ADGRV1: variants seen among roughly 807,000 people sequenced by gnomAD.
ADGRV1 encodes the protein adhesion G protein-coupled receptor V1.
ADGRV1 carries 359 observed loss-of-function variants against 596.2 expected under a neutral mutation model. That is an observed-to-expected ratio of 0.60 (90% CI 0.55 to 0.66). ADGRV1 has a LOEUF of 0.66. ADGRV1 is among the 30% of genes least tolerant of loss of function. The probability of loss-of-function intolerance (pLI) is 0.00; values close to 1 mark genes in which losing one functional copy is unlikely to be tolerated. For synonymous variants in ADGRV1, 2,681 were observed against 2,679.2 expected (o/e 1.00, Z -0.02); for missense variants, 7,274 against 7,575.6 (o/e 0.96, Z 1.48).
At chr5:91,075,698 T>C (rs1788794059) in intron 86 of ADGRV1, among the ~76,000 whole-genome samples, 1 of 152,188 alleles carries the variant, frequency 6.6e-6, no homozygotes. Flanking sequence ...TATCTCTGGT[T>C]CTACTCTTTT....
chr5:90,775,995 T>C (rs562926482), intron 60 of ADGRV1, among the ~76,000 whole-genome samples: 1 of 152,200 alleles, frequency 6.6e-6, no homozygotes, highest in Non-Finnish European at 1.5e-5. Context: ...AATAGAAATA[T>C]TTGACACAGG....
chr5:90,756,525 C>A lies in ADGRV1; in HGVS notation c.11652C>A (p.Phe3884Leu). 1.2e-6 allele frequency: 2 copies of A among 1,612,276 alleles called. No individual in the cohort carries two copies. The highest frequency in any genetic ancestry group is 2.2e-5 in the South Asian group (2 of 90,882). Residue 3884 changes from phenylalanine to leucine, a missense_variant, in exon 56 of 90, where the codon TTC (phenylalanine) becomes TTA (leucine). Coordinates refer to ENST00000405460, the MANE Select transcript of ADGRV1 (RefSeq NM_032119.4). Reference protein sequence around the residue: ...ITEVNLVNSDFSTGQPSVRRP... With the variant: ...ITEVNLVNSDLSTGQPSVRRP... The stretch of plus-strand genomic sequence containing the variant: ...AGGTGAACCTGGTGAACTCTGACTT[C>A]TCTACAGGACAGCCAAGTGTGCGGA...
chr5:91,005,885 CA>C (rs1298756117), intron 85 of ADGRV1, among the ~76,000 whole-genome samples: 4 of 152,102 alleles, frequency 2.6e-5, no homozygotes, highest in African/African-American at 9.7e-5. Context: ...TAGTTCATTC[CA>C]AAACACAGAT....
At chr5:90,777,325 C>T (rs1332399337) in intron 61 of ADGRV1, among the ~76,000 whole-genome samples, 2 of 152,196 alleles carry the variant, frequency 1.3e-5, no homozygotes, top group Non-Finnish European at 2.9e-5. Flanking sequence ...CACTTGAGGT[C>T]ACACTTCAAC....
chr5:90,645,940 G>A (rs770622625), intron 15 of ADGRV1, 28 bp from the exon 16 acceptor site: 3 of 1,556,620 alleles, frequency 1.9e-6, no homozygotes, highest in South Asian at 2.5e-5. Context: ...TAAGTCACCT[G>A]ACTTAAAACG....
rs757335564 is a variant in ADGRV1 at position 90,810,513 on chromosome 5, G to A, written c.15253G>A (p.Glu5085Lys). ...EITIINDQLS[E>K]IEEFFYINLT... ...AACCATTATTAATGATCAGCTTTCT[G>A]AGATAGAAGAATTTTTTTACATTAA... The change falls in exon 74 of 90, where the codon GAG becomes AAG. Residue 5085 changes from glutamate (E) to lysine (K), a missense_variant. Transcript: ENST00000405460. 1 of 1,613,844 alleles carries A rather than the reference G, an allele frequency of 6.2e-7. No homozygotes were observed. The highest frequency in any genetic ancestry group is 1.1e-5 in the South Asian group (1 of 91,074).
chr5:90,690,035 T>G lies in ADGRV1; in HGVS notation c.6665T>G (p.Val2222Gly). Residue 2222 changes from valine to glycine, a missense_variant, in exon 30 of 90, where the codon GTC becomes GGC. Val to Gly is a moderately radical substitution (Grantham distance 109). Transcript: ENST00000405460. Reference sequence around the variant, plus strand: ...AGACTAGGGGCTTTAACAGAGGCAGTCATTATTATTGAGGCCTCTGATGAC... The same window carrying G: ...AGACTAGGGGCTTTAACAGAGGCAGGCATTATTATTGAGGCCTCTGATGAC... The part of the protein sequence containing the change: ...GARLGALTEA[V>G]IIIEASDDPY... 6.3e-7 allele frequency: 1 copy of G among 1,590,260 alleles called. No homozygotes were observed. The highest frequency in any genetic ancestry group is 8.6e-7 in the Non-Finnish European group (1 of 1,166,896).
intron 1 of ADGRV1, among the ~76,000 whole-genome samples, chr5:90,581,331 A>G (rs1446258530): frequency 6.6e-6 from 1 of 152,128 alleles, no homozygotes. Context: ...GGAGGAGAAG[A>G]GGTGCTCTAG....
chr5:91,062,918 T>C (rs1198856626), intron 85 of ADGRV1, among the ~76,000 whole-genome samples: 2 of 151,828 alleles, frequency 1.3e-5, no homozygotes, highest in Non-Finnish European at 2.9e-5. Flanking sequence ...AGCTACTTTA[T>C]GTCTAAAGAG....
intron 84 of ADGRV1, among the ~76,000 whole-genome samples, chr5:90,981,246 T>C (rs998968404): frequency 6.6e-6 from 1 of 152,110 alleles, no homozygotes; most frequent in South Asian, 2.1e-4. Context: ...TTCCAGGTCA[T>C]AGGTAGAGAA....
chr5:90,938,957 T>C (rs913081294), intron 83 of ADGRV1, among the ~76,000 whole-genome samples: 1 of 152,210 alleles, frequency 6.6e-6, no homozygotes, highest in African/African-American at 2.4e-5. Context: ...ACATATATAC[T>C]TGTGTTTCTC....
At chr5:90,795,687 C>A (rs910361232) in intron 70 of ADGRV1, among the ~76,000 whole-genome samples, 4 of 152,212 alleles carry the variant, frequency 2.6e-5, no homozygotes, top group African/African-American at 4.8e-5. Flanking sequence ...CCCTGACCCC[C>A]GTGTATCCTG....
chr5:90,966,406 C>T (rs749949930), intron 84 of ADGRV1, among the ~76,000 whole-genome samples: 9 of 151,604 alleles, frequency 5.9e-5, no homozygotes, highest in Admixed American at 1.3e-4. Flanking sequence ...GTGGTGGGCA[C>T]CTATAATCCC....
At chr5:91,042,991 A>G (rs889911038) in intron 85 of ADGRV1, among the ~76,000 whole-genome samples, 9 of 152,118 alleles carry the variant, frequency 5.9e-5, no homozygotes, top group African/African-American at 2.2e-4. Flanking sequence ...AGTAACCCCA[A>G]GCATTTTTAT....
chr5:91,064,430 C>G (rs1395564997), intron 85 of ADGRV1, among the ~76,000 whole-genome samples: 1 of 152,158 alleles, frequency 6.6e-6, no homozygotes, highest in Non-Finnish European at 1.5e-5. Flanking sequence ...TGGGATAATG[C>G]ATGTGAGGAT....
At chr5:91,107,680 G>T (rs1380607567) in intron 87 of ADGRV1, among the ~76,000 whole-genome samples, 1 of 152,166 alleles carries the variant, frequency 6.6e-6, no homozygotes, top group Non-Finnish European at 1.5e-5. Flanking sequence ...CTTAAACTAT[G>T]TTGAAAGATC....
At chr5:90,945,288 T>C (rs1366525725) in intron 83 of ADGRV1, among the ~76,000 whole-genome samples, 1 of 152,110 alleles carries the variant, frequency 6.6e-6, no homozygotes, top group African/African-American at 2.4e-5. Context: ...CTAAACTGGT[T>C]ACTTCAATAA....
chr5:91,019,703 A>C (rs939638636), intron 85 of ADGRV1, among the ~76,000 whole-genome samples: 1 of 152,014 alleles, frequency 6.6e-6, no homozygotes, highest in African/African-American at 2.4e-5. Context: ...TTTCGGTGAT[A>C]GATGTCATTC....
chr5:90,835,206 G>A (rs1375477555), intron 77 of ADGRV1, among the ~76,000 whole-genome samples: 1 of 152,182 alleles, frequency 6.6e-6, no homozygotes, highest in Non-Finnish European at 1.5e-5. Context: ...GAAGAGGCTT[G>A]GGTGCTGTGA....
Sources: allele counts gnomAD v4.1 joint callset (sites outside exome capture counted in the v4.1 genomes callset), GRCh38; gene constraint gnomAD v4.1.1; transcripts MANE v1.5; gene names NCBI Gene and HGNC (gene_info 2026-07-23, HGNC 2026-07-21).